Variants in CDH23 observed in about 807,000 individuals in gnomAD.
CDH23 encodes cadherin related 23, also known as cadherin-23.
A neutral mutation model predicts 317.1 loss-of-function variants in CDH23; 189 were observed. The observed-to-expected ratio is 0.60, with a 90% CI of 0.53 to 0.67. CDH23 has a LOEUF of 0.67. Ranked by LOEUF, CDH23 falls within the 30% of genes least tolerant of loss-of-function variation. CDH23 has a pLI of 0.00. For missense variants in CDH23, 4,401 were observed against 4,592.4 expected, an observed-to-expected ratio of 0.96 and a Z score of 1.20; for synonymous variants, 1,839 against 1,876.8, an observed-to-expected ratio of 0.98 and a Z score of 0.52.
chr10:71,562,933 G>A (rs1352685798), intron 6 of CDH23, among the ~76,000 whole-genome samples: 1 of 152,178 alleles, frequency 6.6e-6, no homozygotes, highest in Non-Finnish European at 1.5e-5. Flanking sequence ...GATTCTCAGA[G>A]AAAATTGATT....
intron 38 of CDH23, among the ~76,000 whole-genome samples, chr10:71,759,854 C>CACACACATATATAT (rs1554868480): frequency 5.5e-5 from 6 of 109,202 alleles, no homozygotes; most frequent in Non-Finnish European, 1.0e-4. Flanking sequence ...CACATATACA[C>CACACACATATATAT]ACACACACAC....
At position 71,702,166 on chromosome 10, in the gene CDH23, C is replaced by T. The variant is rs770561289; in HGVS notation, c.2542C>T (p.His848Tyr). Residue 848 changes from histidine to tyrosine, a missense_variant, in exon 23 of 70, where the codon CAT (histidine) becomes TAT (tyrosine). His to Tyr is a moderately conservative substitution (Grantham distance 83). This residue lies in a region of CDH23 where 3,068 missense variants were observed against 3,203.3 expected (regional missense o/e 0.96). Transcript: ENST00000224721. Reference protein sequence around the residue: ...AMLDRENPDPHEAELMRKIVV... With the variant: ...AMLDRENPDPYEAELMRKIVV... Reference sequence around the variant, plus strand: ...GCTGGACCGGGAGAACCCCGACCCCCATGAGGCCGAGCTGATGCGCAAAAT... The same window carrying T: ...GCTGGACCGGGAGAACCCCGACCCCTATGAGGCCGAGCTGATGCGCAAAAT... 1 of 1,613,794 alleles carries T rather than the reference C, an allele frequency of 6.2e-7. No homozygotes were observed. Among genetic ancestry groups the T allele is most frequent in the African/African-American group, 1.3e-5 (1 of 74,936 alleles).
chr10:71,784,547 T>C (rs1407063360), intron 42 of CDH23, 127 bp downstream of exon 42: 4 of 1,297,662 alleles, frequency 3.1e-6, no homozygotes, highest in African/African-American at 1.5e-5. Context: ...AGGCCAGGCC[T>C]GCCCCTGGGG....
Position 71,694,337 on chromosome 10 carries a change from C to T in CDH23, c.2289+78C>T, listed in dbSNP as rs1194276471. On this transcript the variant is annotated intron_variant, in intron 21 of 69. Coordinates refer to ENST00000224721, the MANE Select transcript of CDH23 (RefSeq NM_022124.6). ...GCTCCCTGCTTGTACCTCTGGACCC[C>T]CGTGTCCTGAGCCAGTGTGAGGCTT... is the stretch of plus-strand genomic sequence containing the variant. 2.7e-6 allele frequency: 3 copies of T among 1,114,108 alleles called. No individual in the cohort carries two copies. In the African/African-American group the frequency reaches 4.6e-5, roughly 17 times the overall value. The allele number at this position is 1,114,108 out of a possible 1,614,324, so 69.0% of individuals were successfully genotyped here. A position where few individuals can be genotyped will look rare whatever the true frequency, so the allele number is the denominator to read the frequency against.
intron 7 of CDH23, among the ~76,000 whole-genome samples, chr10:71,568,807 G>A (rs1172323317): frequency 3.3e-5 from 5 of 152,224 alleles, no homozygotes; most frequent in Non-Finnish European, 7.3e-5. Context: ...TGAGAGCCAT[G>A]GGCCCCAGAG....
chr10:71,761,951 G>A (rs1396397345), intron 38 of CDH23: 7 of 1,613,974 alleles, frequency 4.3e-6, no homozygotes, highest in South Asian at 1.1e-5. Context: ...GAGCCTGCAG[G>A]TGAGGGTGAC....
At chr10:71,433,184 C>T (rs1469060723) in intron 1 of CDH23, among the ~76,000 whole-genome samples, 1 of 152,178 alleles carries the variant, frequency 6.6e-6, no homozygotes, top group Non-Finnish European at 1.5e-5. Flanking sequence ...GTGCTGTATG[C>T]GCACACTCCC....
At chr10:71,536,502 G>A (rs4747163) in intron 6 of CDH23, among the ~76,000 whole-genome samples, 4 of 152,178 alleles carry the variant, frequency 2.6e-5, no homozygotes, top group African/African-American at 7.2e-5. Flanking sequence ...TAGAGTGACG[G>A]CATGACACAA....
In CDH23 at chr10:71,741,547, A is replaced by T. The variant is rs190930400; in HGVS notation, c.4618-147A>T. ...TGCTCACAGAATGTTCGCTGCTATC[A>T]TCCTTATTATCTCCATCATTGCTCT... On this transcript the variant is annotated intron_variant, in intron 37 of 69. Coordinates refer to ENST00000224721, the MANE Select transcript of CDH23 (RefSeq NM_022124.6). The T allele has an allele frequency of 9.7e-4, 649 of 666,796 alleles. 1 individual carries two copies. Among genetic ancestry groups the T allele is most frequent in the Non-Finnish European group, 1.5e-3 (559 of 380,520 alleles). The allele number at this position is 666,796 out of a possible 1,614,324, so 41.3% of individuals were successfully genotyped here.
At position 71,716,631 on chromosome 10, in the gene CDH23, A is replaced by G. The variant is rs77261748; in HGVS notation, c.3369+3818A>G. ...GGGCGGTGGCCTGTCCGCATTTTCA[A>G]ATCAATCCTCATGAATCATCACAGG... On this transcript the variant is annotated intron_variant, in intron 28 of 69. Coordinates refer to ENST00000224721, the MANE Select transcript of CDH23 (RefSeq NM_022124.6). 5.0e-3 allele frequency: 1,681 copies of G among 335,454 alleles called. 50 individuals are homozygous for G. In the East Asian group the frequency reaches 0.069, roughly 14 times the overall value. The allele number at this position is 335,454 out of a possible 1,614,324, so 20.8% of individuals were successfully genotyped here. A position where few individuals can be genotyped will look rare whatever the true frequency, so the allele number is the denominator to read the frequency against.
chr10:71,499,925 G>A (rs1469207651), intron 3 of CDH23, among the ~76,000 whole-genome samples: 1 of 150,650 alleles, frequency 6.6e-6, no homozygotes, highest in Non-Finnish European at 1.5e-5. Context: ...GCTGAGGCAG[G>A]AGAATCGCTT....
At chr10:71,481,604 C>T (rs1163707006) in intron 3 of CDH23, among the ~76,000 whole-genome samples, 1 of 152,176 alleles carries the variant, frequency 6.6e-6, no homozygotes, top group Admixed American at 6.5e-5. Flanking sequence ...GTGGTCAGTA[C>T]CAGCCTCTGT....
intron 36 of CDH23, among the ~76,000 whole-genome samples, chr10:71,740,158 G>A (rs1009183779): frequency 2.6e-5 from 4 of 152,198 alleles, no homozygotes; most frequent in South Asian, 2.1e-4. Flanking sequence ...AAAAATCCCC[G>A]TCTGGCCTGC....
In CDH23 at chr10:71,815,413, C is replaced by T. The variant is rs1163076970; in HGVS notation, c.*135C>T. 6 of 713,960 alleles carry T rather than the reference C, an allele frequency of 8.4e-6. No homozygotes were observed. Among genetic ancestry groups the T allele is most frequent in the East Asian group, 5.6e-5 (2 of 35,996 alleles). The allele number at this position is 713,960 out of a possible 1,614,324, so 44.2% of individuals were successfully genotyped here. ...GGGGACAACCTTGGCTTGGCCCTGG[C>T]AGCCCGCATCAGCTGCTCAGATCCC... is the stretch of plus-strand genomic sequence containing the variant. On this transcript the variant is annotated 3_prime_UTR_variant, in exon 70 of 70. Transcript: ENST00000224721.
intron 1 of CDH23, among the ~76,000 whole-genome samples, chr10:71,415,896 T>C (rs1054320727): frequency 2.7e-4 from 41 of 152,258 alleles, no homozygotes; most frequent in African/African-American, 9.9e-4. Context: ...TTTTGAGAGT[T>C]ACTTTATGGC....
rs79819941 is a variant in CDH23, at chr10:71,576,968, C to T, written c.754-946C>T. ...TTATGCCTCCAGGCACTTGCCTGAG[C>T]TCTGCCTTCTGCCCAGAGCACCTTC... On this transcript the variant is annotated intron_variant, in intron 8 of 69. Coordinates refer to ENST00000224721, the MANE Select transcript of CDH23 (RefSeq NM_022124.6). Among the ~76,000 whole-genome samples, 1,195 of 152,320 alleles carry T rather than the reference C, an allele frequency of 7.8e-3. 19 individuals carry two copies. Among genetic ancestry groups the T allele is most frequent in the African/African-American group, 0.028 (1,152 of 41,568 alleles).
chr10:71,572,011 G>A (rs983445559), intron 8 of CDH23, among the ~76,000 whole-genome samples: 2 of 152,250 alleles, frequency 1.3e-5, no homozygotes, highest in African/African-American at 4.8e-5. Flanking sequence ...GCATGAGGCC[G>A]CAGTCTCCTG....
chr10:71,570,101 G>A (rs138962156), intron 7 of CDH23, among the ~76,000 whole-genome samples: 2 of 152,180 alleles, frequency 1.3e-5, no homozygotes, highest in East Asian at 3.9e-4. Flanking sequence ...AATATTGCTT[G>A]CCTGGCTGCA....
chr10:71,759,818 TATACACACACACACACAC>T (rs1840252049), intron 38 of CDH23, among the ~76,000 whole-genome samples: 1 of 50,790 alleles, frequency 2.0e-5, no homozygotes, highest in Non-Finnish European at 4.3e-5. Flanking sequence ...TTTCAGAAAA[TATACACACACACACACAC>T]ACACACACAC....
Sources: allele counts gnomAD v4.1 joint callset (sites outside exome capture counted in the v4.1 genomes callset), GRCh38; gene constraint gnomAD v4.1.1; regional missense constraint gnomAD v4.1.1; transcripts MANE v1.5; gene names NCBI Gene and HGNC (gene_info 2026-07-23, HGNC 2026-07-21).